Variants in DNAJC1 observed in about 807,000 individuals in gnomAD.
The protein encoded by DNAJC1 is dnaJ homolog subfamily C member 1.
DNAJC1 carries 58 observed loss-of-function variants against 76.6 expected under a neutral mutation model. The ratio of observed to expected loss-of-function variants is 0.76; its 90% CI spans 0.61 to 0.94. The LOEUF (loss-of-function observed/expected upper bound fraction) is 0.94, where lower values mean the gene tolerates loss of function less well. Ranked by LOEUF, DNAJC1 falls within the 40% of genes least tolerant of loss-of-function variation. The pLI, the probability that DNAJC1 is intolerant of heterozygous loss-of-function variation, is 0.00. For missense variants in DNAJC1, 689 were observed against 677.3 expected (o/e 1.02, Z -0.19); for synonymous variants, 258 against 267.9 (o/e 0.96, Z 0.36).
chr10:21,908,947 A>G (rs1308002442), intron 6 of DNAJC1, among the ~76,000 whole-genome samples: 1 of 151,892 alleles, frequency 6.6e-6, no homozygotes, highest in African/African-American at 2.4e-5. Flanking sequence ...GTGCAGTGAC[A>G]TGATCTCAGC....
intron 8 of DNAJC1, among the ~76,000 whole-genome samples, chr10:21,855,847 A>C (rs1251845668): frequency 6.8e-6 from 1 of 147,772 alleles, no homozygotes; most frequent in Non-Finnish European, 1.5e-5. Context: ...GAAGATGTTC[A>C]TTTTGATAGG....
At chr10:21,994,354 TA>T (rs1446764410) in intron 1 of DNAJC1, among the ~76,000 whole-genome samples, 2 of 152,216 alleles carry the variant, frequency 1.3e-5, no homozygotes, top group Non-Finnish European at 2.9e-5. Flanking sequence ...AAAATCAATC[TA>T]ATTTACTTTA....
chr10:21,922,230 T>C (rs910162971), intron 3 of DNAJC1, among the ~76,000 whole-genome samples: 2 of 152,130 alleles, frequency 1.3e-5, no homozygotes, highest in South Asian at 2.1e-4. Context: ...TTGATAGTTA[T>C]TAAATTGATA....
At chr10:21,981,371 C>G (rs972570579) in intron 1 of DNAJC1, among the ~76,000 whole-genome samples, 1 of 152,066 alleles carries the variant, frequency 6.6e-6, no homozygotes, top group Admixed American at 6.6e-5. Context: ...AATTAAGAAT[C>G]TATTAAAAAT....
intron 9 of DNAJC1, among the ~76,000 whole-genome samples, chr10:21,786,427 AATATATATATATAT>A (rs71472824): frequency 0.015 from 477 of 31,358 alleles, 17 homozygotes; most frequent in Middle Eastern, 0.042. Flanking sequence ...TTAAAATGGG[AATATATATATATAT>A]ATATATATAT....
intron 9 of DNAJC1, among the ~76,000 whole-genome samples, chr10:21,773,526 G>A (rs906195288): frequency 1.3e-5 from 2 of 151,934 alleles, no homozygotes; most frequent in African/African-American, 4.8e-5. Context: ...TAAACTTATT[G>A]ACGTTTGTTG....
At chr10:21,912,827 C>T (rs1024159529) in intron 6 of DNAJC1, among the ~76,000 whole-genome samples, 11 of 151,772 alleles carry the variant, frequency 7.2e-5, no homozygotes, top group South Asian at 2.1e-4. Flanking sequence ...CAAGCAGAAG[C>T]GAAGGGGCTA....
At position 21,871,898 on chromosome 10, in the gene DNAJC1, G is replaced by T. The variant is rs1590025092; in HGVS notation, c.978+10384C>A. 2.0e-5 allele frequency among the ~76,000 whole-genome samples: 3 copies of T among 151,918 alleles called. No individual in the cohort carries two copies. In the East Asian group the frequency reaches 5.8e-4, roughly 29 times the overall value. ...GATCCTCCTGCCTCAGCTTCCCAAA[G>T]TGCTGAGATTACAGGTGTGAATCAC... On this transcript the variant is annotated intron_variant, in intron 8 of 11. Coordinates refer to ENST00000376980, the MANE Select transcript of DNAJC1 (RefSeq NM_022365.4).
rs551725124 is a variant in DNAJC1, at chr10:21,838,206, A to G, written c.979-32107T>C. Among the ~76,000 whole-genome samples the G allele has an allele frequency of 3.7e-3, 571 of 152,354 alleles. 1 individual carries two copies. Among genetic ancestry groups the G allele is most frequent in the South Asian group, 7.0e-3 (34 of 4,832 alleles). Reference sequence around the variant, plus strand: ...AAAGGGGGAAATGTGGGGAAAAGATAGAGAAATCAGATTGTTGCTGTGTCT... The same window carrying G: ...AAAGGGGGAAATGTGGGGAAAAGATGGAGAAATCAGATTGTTGCTGTGTCT... On this transcript the variant is annotated intron_variant, in intron 8 of 11. Transcript: ENST00000376980.
At chr10:21,987,498 GA>G (rs1838266185) in intron 1 of DNAJC1, among the ~76,000 whole-genome samples, 1 of 152,120 alleles carries the variant, frequency 6.6e-6, no homozygotes, top group Non-Finnish European at 1.5e-5. Flanking sequence ...TCTTGGTCAG[GA>G]TAACATGGTG....
At chr10:21,848,138 A>G (rs955022736) in intron 8 of DNAJC1, among the ~76,000 whole-genome samples, 3 of 152,120 alleles carry the variant, frequency 2.0e-5, no homozygotes, top group African/African-American at 7.2e-5. Flanking sequence ...TGTCTTTTTG[A>G]TAACAGTCAC....
At chr10:21,775,331 CTTTTTTTT>C (rs34444920) in intron 9 of DNAJC1, among the ~76,000 whole-genome samples, 30 of 49,672 alleles carry the variant, frequency 6.0e-4, no homozygotes, top group African/African-American at 1.6e-3. Context: ...CTGCAAATGG[CTTTTTTTT>C]TTTTTTTTTT....
intron 8 of DNAJC1, among the ~76,000 whole-genome samples, chr10:21,871,496 A>G (rs1445415865): frequency 6.6e-6 from 1 of 152,136 alleles, no homozygotes; most frequent in Non-Finnish European, 1.5e-5. Context: ...GTGGCTACAC[A>G]TAACAAAAAA....
chr10:21,819,315 C>T (rs1056348727), intron 8 of DNAJC1, among the ~76,000 whole-genome samples: 1 of 152,078 alleles, frequency 6.6e-6, no homozygotes. Flanking sequence ...GCAGGAAAAT[C>T]ACCTGAACCC....
intron 1 of DNAJC1, among the ~76,000 whole-genome samples, chr10:21,981,532 G>C (rs890032058): frequency 1.6e-4 from 24 of 152,082 alleles, no homozygotes; most frequent in African/African-American, 5.6e-4. Context: ...TATGATCTTT[G>C]AGCCTAACAG....
intron 7 of DNAJC1, among the ~76,000 whole-genome samples, chr10:21,885,927 T>C (rs1172938082): frequency 2.0e-5 from 3 of 151,650 alleles, no homozygotes; most frequent in Admixed American, 6.6e-5. Flanking sequence ...CGGAAAGAAT[T>C]AGAGAAGCAA....
intron 8 of DNAJC1, among the ~76,000 whole-genome samples, chr10:21,807,722 A>C (rs1005182688): frequency 6.6e-6 from 1 of 152,222 alleles, no homozygotes; most frequent in African/African-American, 2.4e-5. Flanking sequence ...GAAAGCCTCA[A>C]ACATATTCAT....
Position 22,003,602 on chromosome 10 carries a change from G to T in DNAJC1, c.-168C>A. 4 of 819,408 alleles carry T rather than the reference G, an allele frequency of 4.9e-6. No individual in the cohort carries two copies. Among genetic ancestry groups the T allele is most frequent in the Non-Finnish European group, 6.6e-6 (4 of 609,726 alleles). 50.8% of individuals were successfully genotyped at this position (819,408 alleles called of 1,614,324 possible). On this transcript the variant is annotated 5_prime_UTR_variant, in exon 1 of 12. Transcript: ENST00000376980. ...GCCCCAGACAGAGCGCGGAGGCGGC[G>T]GGAGCCGGCTGCCGGACGGGCGGGT...
intron 9 of DNAJC1, among the ~76,000 whole-genome samples, chr10:21,781,440 C>T (rs1042314407): frequency 6.6e-5 from 10 of 152,100 alleles, no homozygotes; most frequent in Non-Finnish European, 8.8e-5. Context: ...GAAACTCACT[C>T]GCCGGGCGCG....
Sources: gnomAD v4.1 joint callset for allele counts (sites outside exome capture counted in the v4.1 genomes callset) on GRCh38, gnomAD v4.1.1 for gene constraint, MANE v1.5 for transcripts, NCBI Gene and HGNC (gene_info 2026-07-23, HGNC 2026-07-21) for gene names.